Variants in OPA1 observed in about 807,000 individuals in gnomAD.
The protein encoded by OPA1 is dynamin-like GTPase OPA1, mitochondrial.
Under a neutral mutation model 152.9 loss-of-function variants are expected in OPA1, and 59 were observed. The observed-to-expected ratio is 0.39, with a 90% CI of 0.31 to 0.48. The LOEUF (loss-of-function observed/expected upper bound fraction) is 0.48, where lower values mean the gene tolerates loss of function less well. Among genes scored for constraint, OPA1 ranks in the 20% least tolerant of loss-of-function variants. The pLI, the probability that OPA1 is intolerant of heterozygous loss-of-function variation, is 0.96. For synonymous variants in OPA1, 400 were observed against 389.9 expected, an observed-to-expected ratio of 1.03 and a Z score of -0.31; for missense variants, 1,008 against 1,216.8, an observed-to-expected ratio of 0.83 and a Z score of 2.55.
At position 193,593,320 on chromosome 3, in the gene OPA1, T is replaced by C. The variant is rs2108755385; in HGVS notation, c.-58T>C. ...CCTGGACCGGGAGCCGGGCTGGGGC[T>C]CACACGGGGGCTCCCGCGTGGCCGT... is the stretch of plus-strand genomic sequence containing the variant. On this transcript the variant is annotated 5_prime_UTR_variant, in exon 1 of 31. Coordinates refer to ENST00000361510, the MANE Select transcript of OPA1 (RefSeq NM_130837.3). 6.6e-7 allele frequency: 1 copy of C among 1,521,352 alleles called. No homozygotes were observed. The highest frequency in any genetic ancestry group is 8.8e-7 in the Non-Finnish European group (1 of 1,130,820). 94.2% of individuals were successfully genotyped at this position (1,521,352 alleles called of 1,614,324 possible).
chr3:193,593,277 G>C lies in OPA1; in HGVS notation c.-101G>C. On this transcript the variant is annotated 5_prime_UTR_variant, in exon 1 of 31. Transcript: ENST00000361510. The stretch of plus-strand genomic sequence containing the variant: ...CGGCTCTGTGCCCTTGCTGCTGAGG[G>C]CCACTTCCTGGGTCATTCCTGGACC... 7.9e-7 allele frequency: 1 copy of C among 1,269,210 alleles called. No individual in the cohort carries two copies. Among genetic ancestry groups the C allele is most frequent in the Non-Finnish European group, 1.1e-6 (1 of 937,260 alleles). 78.6% of individuals were successfully genotyped at this position (1,269,210 alleles called of 1,614,324 possible). A position where few individuals can be genotyped will look rare whatever the true frequency, so the allele number is the denominator to read the frequency against.
chr3:193,647,925 G>C, intron 19 of OPA1, 145 bp from the exon 20 acceptor site: 1 of 673,518 alleles, frequency 1.5e-6, no homozygotes, highest in Admixed American at 2.3e-5. Flanking sequence ...GAAATTCTGA[G>C]ACGTTGAGAT....
intron 29 of OPA1, among the ~76,000 whole-genome samples, chr3:193,669,463 A>G (rs916740946): frequency 2.6e-5 from 4 of 152,200 alleles, no homozygotes; most frequent in African/African-American, 9.6e-5. Flanking sequence ...TAGCTGTGTC[A>G]TCTTCGGCAG....
chr3:193,596,589 C>T (rs1165706786), intron 1 of OPA1, among the ~76,000 whole-genome samples: 1 of 151,914 alleles, frequency 6.6e-6, no homozygotes, highest in African/African-American at 2.4e-5. Context: ...ACACCTAGCA[C>T]TGAGCATTGC....
intron 25 of OPA1, among the ~76,000 whole-genome samples, chr3:193,662,023 A>AG (rs374173369): frequency 6.6e-6 from 1 of 152,166 alleles, no homozygotes; most frequent in East Asian, 1.9e-4. Flanking sequence ...GCAAAAAAAA[A>AG]CACTCAGTTT....
At chr3:193,694,398 A>C (rs762830662) in intron 30 of OPA1, among the ~76,000 whole-genome samples, 7 of 152,170 alleles carry the variant, frequency 4.6e-5, no homozygotes, top group African/African-American at 1.7e-4. Flanking sequence ...TCTTCAATTA[A>C]TTTTAGTATA....
rs1642519090 is a variant in OPA1, at chr3:193,697,054, T to C, written c.*2454T>C. ...AGCCTCCAAATGCAAATGAATGATA[T>C]AAAAATAAGTAGGGAACATGGCAGA... is the stretch of plus-strand genomic sequence containing the variant. On this transcript the variant is annotated 3_prime_UTR_variant, in exon 31 of 31. Coordinates refer to ENST00000361510, the MANE Select transcript of OPA1 (RefSeq NM_130837.3). 1 of 152,210 alleles carries C rather than the reference T, an allele frequency of 6.6e-6. No individual in the cohort carries two copies. The highest frequency in any genetic ancestry group is 6.5e-5 in the Admixed American group (1 of 15,276). 9.4% of individuals were successfully genotyped at this position (152,210 alleles called of 1,614,324 possible).
At chr3:193,635,138 C>T (rs541611219) in intron 8 of OPA1, among the ~76,000 whole-genome samples, 19 of 152,198 alleles carry the variant, frequency 1.2e-4, no homozygotes, top group South Asian at 2.1e-4. Flanking sequence ...TAAATTCTTA[C>T]GTTTTCACTA....
At chr3:193,676,903 C>T (rs1400604771) in intron 29 of OPA1, among the ~76,000 whole-genome samples, 1 of 146,794 alleles carries the variant, frequency 6.8e-6, no homozygotes, top group African/African-American at 2.5e-5. Context: ...ATGGCGTGAA[C>T]CTGGGAGGCG....
chr3:193,657,051 A>C, intron 22 of OPA1, 29 bp from the exon 23 acceptor site: 1 of 1,593,162 alleles, frequency 6.3e-7, no homozygotes, highest in African/African-American at 1.4e-5. Context: ...TAGTAATAAT[A>C]TGGCTTTTTT....
chr3:193,635,098 CT>C (rs1270303906), intron 8 of OPA1, among the ~76,000 whole-genome samples: 1 of 152,144 alleles, frequency 6.6e-6, no homozygotes, highest in Non-Finnish European at 1.5e-5. Context: ...GAAATACTCC[CT>C]TCTAGAATGT....
chr3:193,612,825 C>G (rs1021069415), intron 1 of OPA1, among the ~76,000 whole-genome samples: 6 of 152,196 alleles, frequency 3.9e-5, no homozygotes, highest in Admixed American at 3.3e-4. Context: ...AGTTAATTAT[C>G]AAATCCAATT....
At chr3:193,615,899 A>G in intron 3 of OPA1, 129 bp downstream of exon 3, 1 of 671,992 alleles carries the variant, frequency 1.5e-6, no homozygotes, top group Admixed American at 2.4e-5. Flanking sequence ...AAGTAATAGA[A>G]TATCAATGAA....
At chr3:193,692,927 CT>C (rs1721873926) in intron 30 of OPA1, among the ~76,000 whole-genome samples, 1 of 152,186 alleles carries the variant, frequency 6.6e-6, no homozygotes, top group African/African-American at 2.4e-5. Flanking sequence ...CAGCTAATTT[CT>C]TTAATTTTTT....
At chr3:193,603,275 G>A (rs2108804096) in intron 1 of OPA1, among the ~76,000 whole-genome samples, 1 of 152,314 alleles carries the variant, frequency 6.6e-6, no homozygotes, top group South Asian at 2.1e-4. Flanking sequence ...TTAGATACCA[G>A]TTTTGTTTTT....
At chr3:193,693,468 C>T (rs375073473) in intron 30 of OPA1, among the ~76,000 whole-genome samples, 1 of 151,996 alleles carries the variant, frequency 6.6e-6, no homozygotes, top group Non-Finnish European at 1.5e-5. Context: ...GGTGAAACCC[C>T]GTCTCTAATA....
intron 7 of OPA1, 81 bp from the exon 8 acceptor site, chr3:193,631,531 A>G (rs1732067621): frequency 5.0e-6 from 5 of 997,782 alleles, no homozygotes; most frequent in Non-Finnish European, 7.9e-6. Context: ...TTAACTCTCA[A>G]TACTTATCAA....
chr3:193,676,745 C>G (rs1719070685), intron 29 of OPA1, among the ~76,000 whole-genome samples: 1 of 152,068 alleles, frequency 6.6e-6, no homozygotes, highest in African/African-American at 2.4e-5. Flanking sequence ...CTTTAGGAGG[C>G]CAAGGTGGGC....
intron 6 of OPA1, among the ~76,000 whole-genome samples, chr3:193,621,422 T>C (rs1455707716): frequency 3.9e-5 from 6 of 152,320 alleles, no homozygotes; most frequent in Non-Finnish European, 7.4e-5. Flanking sequence ...TACTGGAGTT[T>C]TAGGTGTCCT....
Sources: allele counts gnomAD v4.1 joint callset (sites outside exome capture counted in the v4.1 genomes callset), GRCh38; gene constraint gnomAD v4.1.1; transcripts MANE v1.5; gene names NCBI Gene and HGNC (gene_info 2026-07-23, HGNC 2026-07-21).